Variants in INPPL1 observed in about 807,000 individuals in gnomAD.
INPPL1 encodes the protein inositol polyphosphate phosphatase like 1.
INPPL1 carries 91 observed loss-of-function variants against 139.3 expected under a neutral mutation model. The observed-to-expected ratio is 0.65, with a 90% CI of 0.55 to 0.78. The LOEUF is 0.78. INPPL1 is among the 30% of genes least tolerant of loss of function. INPPL1 has a pLI of 0.00. For synonymous variants in INPPL1, 719 were observed against 686.6 expected (o/e 1.05, Z -0.74); for missense variants, 1,411 against 1,665.6 (o/e 0.85, Z 2.66).
intron 26 of INPPL1, 29 bp downstream of exon 26, chr11:72,237,825 G>T (rs1251377390): frequency 6.4e-7 from 1 of 1,562,436 alleles, no homozygotes; most frequent in South Asian, 1.2e-5. Flanking sequence ...CTGTCTGTGT[G>T]TGCCTGAGTG....
Position 72,232,982 on chromosome 11 carries a change from T to G in INPPL1, c.1951+8T>G, listed in dbSNP as rs1948878358. On this transcript the variant is annotated splice_region_variant and intron_variant, in intron 16 of 27. Coordinates refer to ENST00000298229, the MANE Select transcript of INPPL1 (RefSeq NM_001567.4). ...AGGTCTTCCTTCGATTCAGTGAGTG[T>G]GGGCCTGGTAGGTGGTGATCTGAGG... The G allele has an allele frequency of 2.5e-6, 4 of 1,613,514 alleles. No individual in the cohort carries two copies. Among genetic ancestry groups the G allele is most frequent in the Non-Finnish European group, 3.4e-6 (4 of 1,179,596 alleles).
intron 27 of INPPL1, 29 bp from the exon 28 acceptor site, chr11:72,238,234 C>A: frequency 6.2e-7 from 1 of 1,613,684 alleles, no homozygotes; most frequent in Non-Finnish European, 8.5e-7. Context: ...CCTTGCCCAT[C>A]TCACTTCCCA....
chr11:72,225,466 T>C (rs989098839), intron 1 of INPPL1: 1 of 985,226 alleles, frequency 1.0e-6, no homozygotes, highest in African/African-American at 1.7e-5. Flanking sequence ...TCAGGCATCC[T>C]CCAGGTAGAA....
rs1164174848 is a variant in INPPL1, at chr11:72,237,570, T to C, written c.3326T>C (p.Phe1109Ser). The change falls in exon 26 of 28, where the codon TTC (phenylalanine) becomes TCC (serine). Residue 1109 changes from phenylalanine to serine, a missense_variant. By Grantham distance (155) the Phe-to-Ser change is radical. Coordinates refer to ENST00000298229, the MANE Select transcript of INPPL1 (RefSeq NM_001567.4). Reference protein sequence around the residue: ...LPPGPSPASTFLGEVASGDDR... With the variant: ...LPPGPSPASTSLGEVASGDDR... ...CCAGGCCCCTCACCAGCCAGCACTT[T>C]CCTGGGGGAAGTGGCCAGTGGGGAT... The C allele has an allele frequency of 1.3e-6, 2 of 1,598,274 alleles. No homozygotes were observed. The highest frequency in any genetic ancestry group is 1.1e-5 in the South Asian group (1 of 90,016).
At chr11:72,225,369 A>G in intron 1 of INPPL1, 1 of 985,432 alleles carries the variant, frequency 1.0e-6, no homozygotes, top group Non-Finnish European at 1.2e-6. Context: ...GGGCACTTTC[A>G]GGAGCCTTGA....
chr11:72,232,716 C>A lies in INPPL1; in HGVS notation c.1803C>A (p.His601Gln). Reference protein sequence around the residue: ...NAFDISLRFTHLFWFGDLNYR... With the variant: ...NAFDISLRFTQLFWFGDLNYR... ...TTGACATCTCTCTGCGTTTCACACA[C>A]CTCTTCTGGTTTGGGGACCTCAACT... is the stretch of plus-strand genomic sequence containing the variant. The change falls in exon 15 of 28, where the codon CAC (histidine) becomes CAA (glutamine). Residue 601 changes from histidine to glutamine, a missense_variant. Transcript: ENST00000298229. 6.2e-7 allele frequency: 1 copy of A among 1,614,028 alleles called. No homozygotes were observed. Among genetic ancestry groups the A allele is most frequent in the Non-Finnish European group, 8.5e-7 (1 of 1,179,996 alleles).
At position 72,238,199 on chromosome 11, in the gene INPPL1, G is replaced by A. The variant is rs1158240746; in HGVS notation, c.3686+24G>A. 2.5e-6 allele frequency: 4 copies of A among 1,612,060 alleles called. No individual in the cohort carries two copies. The Admixed American group carries it at 6.7e-5, about 27-fold the overall frequency. ...AGGTGGGGGAGGGGCTGGCCCCGGG[G>A]GCGGAGCTGGGGCCCTCAGGATCCC... On this transcript the variant is annotated intron_variant, in intron 27 of 27. Coordinates refer to ENST00000298229, the MANE Select transcript of INPPL1 (RefSeq NM_001567.4).
intron 17 of INPPL1, 75 bp from the exon 18 acceptor site, chr11:72,233,366 C>T (rs1948890264): frequency 2.3e-6 from 3 of 1,301,248 alleles, no homozygotes; most frequent in Middle Eastern, 2.4e-4. Context: ...GGGGACTCAT[C>T]AGCTCTGGAG....
rs377250246 is a variant in INPPL1, at chr11:72,238,377, G to A, written c.*24G>A. The A allele has an allele frequency of 1.3e-5, 19 of 1,514,304 alleles. No homozygotes were observed. The highest frequency in any genetic ancestry group is 1.6e-5 in the Non-Finnish European group (18 of 1,132,076). The allele number at this position is 1,514,304 out of a possible 1,614,324, so 93.8% of individuals were successfully genotyped here. A position where few individuals can be genotyped will look rare whatever the true frequency, so the allele number is the denominator to read the frequency against. On this transcript the variant is annotated 3_prime_UTR_variant, in exon 28 of 28. Transcript: ENST00000298229. ...GATAGCGGAGGCACCACGAAGCTGTGAACTCAGAGCCCCTCCCTGCTACCA... is the reference window on the plus strand; with the variant it reads ...GATAGCGGAGGCACCACGAAGCTGTAAACTCAGAGCCCCTCCCTGCTACCA...
rs1313800307 is a variant in INPPL1 at position 72,228,021 on chromosome 11, G to A, written c.183-169G>A. On this transcript the variant is annotated intron_variant, in intron 1 of 27. Coordinates refer to ENST00000298229, the MANE Select transcript of INPPL1 (RefSeq NM_001567.4). This position sits in a 1 kb window ranked among gnomAD's most constrained non-coding sequence, Gnocchi z 5.0. ...CTGCCCAATAGGCAACACCAGGAGGGTGGAAGTGGACCGGCCACATCATTA... is the reference window on the plus strand; with the variant it reads ...CTGCCCAATAGGCAACACCAGGAGGATGGAAGTGGACCGGCCACATCATTA... 1 of 668,332 alleles carries A rather than the reference G, an allele frequency of 1.5e-6. No homozygotes were observed. Among genetic ancestry groups the A allele is most frequent in the Non-Finnish European group, 2.7e-6 (1 of 374,106 alleles). The allele number at this position is 668,332 out of a possible 1,614,324, so 41.4% of individuals were successfully genotyped here. A position where few individuals can be genotyped will look rare whatever the true frequency, so the allele number is the denominator to read the frequency against.
Position 72,231,143 on chromosome 11 carries a change from T to A in INPPL1, c.1451T>A (p.Leu484Gln), listed in dbSNP as rs767328370. ...NSVGDREWLD[L>Q]LRGGLKELTD... ...GTGGGCGACCGCGAGTGGCTGGACC[T>A]ACTGCGCGGGGGCCTCAAGGAGCTT... Residue 484 changes from leucine to glutamine, a missense_variant, in exon 12 of 28, where the codon CTA becomes CAA. Physicochemically the swap from Leu to Gln is moderately radical, Grantham distance 113. Coordinates refer to ENST00000298229, the MANE Select transcript of INPPL1 (RefSeq NM_001567.4). 3 of 1,613,598 alleles carry A rather than the reference T, an allele frequency of 1.9e-6. No individual in the cohort carries two copies.
chr11:72,232,494 A>T (rs1948862473), intron 14 of INPPL1, 132 bp from the exon 15 acceptor site: 2 of 1,290,712 alleles, frequency 1.5e-6, no homozygotes, highest in Non-Finnish European at 2.2e-6. Flanking sequence ...TCCTGACCCT[A>T]ACCTTGTCCC....
chr11:72,237,041 C>T (rs763277452), intron 25 of INPPL1, 83 bp from the exon 26 acceptor site: 5 of 1,286,950 alleles, frequency 3.9e-6, no homozygotes, highest in Admixed American at 2.3e-5. Flanking sequence ...TTCTGACTCC[C>T]GTCTAGTTCT....
chr11:72,223,774 A>T (rs1047849144), upstream of INPPL1: 1 of 151,100 alleles, frequency 6.6e-6, no homozygotes, highest in African/African-American at 2.4e-5. Flanking sequence ...CCAGTGGGCC[A>T]GCGGCTCCGG....
At chr11:72,231,361 T>G in intron 12 of INPPL1, 137 bp from the exon 13 acceptor site, 1 of 926,558 alleles carries the variant, frequency 1.1e-6, no homozygotes, top group Non-Finnish European at 1.7e-6. Context: ...AGAGGAACCA[T>G]TTCTCTCCAG....
chr11:72,237,477 G>T lies in INPPL1; in HGVS notation c.3233G>T (p.Arg1078Leu), dbSNP rs750607140. The T allele has an allele frequency of 5.0e-6, 8 of 1,609,984 alleles. No individual in the cohort carries two copies. Among genetic ancestry groups the T allele is most frequent in the African/African-American group, 1.3e-5 (1 of 74,880 alleles). The change falls in exon 26 of 28, where the codon CGG becomes CTG. Residue 1078 changes from arginine to leucine, a missense_variant. Around this residue, in one of 5 missense-constraint regions of INPPL1, gnomAD observed 438 missense variants for 425.7 expected, o/e 1.03. Coordinates refer to ENST00000298229, the MANE Select transcript of INPPL1 (RefSeq NM_001567.4). ...GATCCTTTACCAGGGCCAGTGGTCC[G>T]GGGCCGTGGTGGGGCTGAGGCCCGT... is the stretch of plus-strand genomic sequence containing the variant. ...SLDPLPGPVV[R>L]GRGGAEARGP...
Position 72,233,828 on chromosome 11 carries a change from A to G in INPPL1, c.2212+84A>G, listed in dbSNP as rs1042931885. ...CCTCGGGATGTACATAGGTTTGACT[A>G]TGTAAGTGTGTGTGTGGGTGTGTGT... On this transcript the variant is annotated intron_variant, in intron 19 of 27. Transcript: ENST00000298229. 80 of 1,088,054 alleles carry G rather than the reference A, an allele frequency of 7.4e-5. 1 individual carries two copies. Among genetic ancestry groups the G allele is most frequent in the South Asian group, 5.5e-4 (43 of 77,822 alleles). 67.4% of individuals were successfully genotyped at this position (1,088,054 alleles called of 1,614,324 possible).
Position 72,235,844 on chromosome 11 carries a change from AG to A in INPPL1, c.2739del. ...CATCTCTCTCCTGTGCATCCCTGGCAGGTCAGGGAGCCGCAAGCCAGCCTTC... is the reference window on the plus strand; with the variant it reads ...CATCTCTCTCCTGTGCATCCCTGGCAGTCAGGGAGCCGCAAGCCAGCCTTC... On this transcript the variant is annotated splice_acceptor_variant, in intron 24 of 27. Transcript: ENST00000298229. LOFTEE classifies it high-confidence loss of function. This position sits in a 1 kb window ranked among gnomAD's most constrained non-coding sequence, Gnocchi z 4.9. The A allele has an allele frequency of 6.2e-7, 1 of 1,612,316 alleles. No homozygotes were observed. Among genetic ancestry groups the A allele is most frequent in the Non-Finnish European group, 8.5e-7 (1 of 1,179,190 alleles).
chr11:72,227,966 G>C, intron 1 of INPPL1: 30 of 322,708 alleles, frequency 9.3e-5, no homozygotes, highest in Non-Finnish European at 1.3e-4. Flanking sequence ...GTGTAGGTCT[G>C]GTGGGGAGAC....
Sources: gnomAD v4.1 joint callset for allele counts on GRCh38, gnomAD v4.1.1 for gene constraint, gnomAD v4.1.1 regional missense constraint, Gnocchi (gnomAD v3.1) non-coding constraint, MANE v1.5 for transcripts, NCBI Gene and HGNC (gene_info 2026-07-23, HGNC 2026-07-21) for gene names.